GPC5: variants seen among roughly 807,000 people sequenced by gnomAD.
GPC5 encodes glypican 5, also known as glypican-5.
GPC5 carries 47 observed loss-of-function variants against 53.9 expected under a neutral mutation model. The observed-to-expected ratio is 0.87, with a 90% CI of 0.69 to 1.11. The LOEUF (loss-of-function observed/expected upper bound fraction) is 1.11, where lower values mean the gene tolerates loss of function less well. GPC5 is among the 50% of genes most tolerant of loss of function. The probability of loss-of-function intolerance (pLI) is 0.00; values close to 1 mark genes in which losing one functional copy is unlikely to be tolerated. For missense variants in GPC5, 748 were observed against 713.1 expected (o/e 1.05, Z -0.56); for synonymous variants, 286 against 263.3 (o/e 1.09, Z -0.84).
chr13:92,749,607 T>C (rs1045155784), intron 7 of GPC5, among the ~76,000 whole-genome samples: 3 of 152,180 alleles, frequency 2.0e-5, no homozygotes, highest in African/African-American at 7.2e-5. Context: ...TTTTAAAGTA[T>C]ATATGAGTAC....
intron 6 of GPC5, among the ~76,000 whole-genome samples, chr13:91,940,642 C>A (rs1192652057): frequency 6.6e-6 from 1 of 152,102 alleles, no homozygotes; most frequent in East Asian, 1.9e-4. Context: ...TTCTCCACAA[C>A]TTTGCCAGAA....
At chr13:92,202,455 G>C (rs2042302076) in intron 7 of GPC5, among the ~76,000 whole-genome samples, 1 of 152,180 alleles carries the variant, frequency 6.6e-6, no homozygotes, top group Non-Finnish European at 1.5e-5. Flanking sequence ...ACTTACTATA[G>C]ACTACGGTTA....
chr13:92,859,329 T>C (rs1432353746), intron 7 of GPC5, among the ~76,000 whole-genome samples: 1 of 152,190 alleles, frequency 6.6e-6, no homozygotes, highest in African/African-American at 2.4e-5. Flanking sequence ...AAAATTAATC[T>C]AATGTTTTGT....
chr13:92,681,175 T>G (rs1887099921), intron 7 of GPC5, among the ~76,000 whole-genome samples: 1 of 151,950 alleles, frequency 6.6e-6, no homozygotes, highest in African/African-American at 2.4e-5. Context: ...GCGATTTACC[T>G]CCTCTGAATA....
At chr13:92,780,746 T>G (rs957625814) in intron 7 of GPC5, among the ~76,000 whole-genome samples, 1 of 152,026 alleles carries the variant, frequency 6.6e-6, no homozygotes, top group Non-Finnish European at 1.5e-5. Context: ...ATCAATATGA[T>G]AGTAGGCATA....
intron 7 of GPC5, among the ~76,000 whole-genome samples, chr13:92,557,559 G>C (rs1233722755): frequency 6.6e-6 from 1 of 151,922 alleles, no homozygotes; most frequent in Non-Finnish European, 1.5e-5. Context: ...TTCATGAATT[G>C]CAGTCTATCC....
intron 7 of GPC5, among the ~76,000 whole-genome samples, chr13:92,433,751 C>T (rs2139377203): frequency 6.6e-6 from 1 of 152,078 alleles, no homozygotes; most frequent in Non-Finnish European, 1.5e-5. Context: ...GGAGAAAAAG[C>T]CTGTTGCCGT....
intron 6 of GPC5, among the ~76,000 whole-genome samples, chr13:92,018,987 T>C (rs989383220): frequency 4.6e-5 from 7 of 152,172 alleles, no homozygotes; most frequent in African/African-American, 1.2e-4. Flanking sequence ...TTAGATTCTT[T>C]GGTACTTAAT....
intron 7 of GPC5, among the ~76,000 whole-genome samples, chr13:92,406,904 T>C (rs962231484): frequency 6.6e-6 from 1 of 152,200 alleles, no homozygotes; most frequent in Admixed American, 6.5e-5. Context: ...TACTGGACAC[T>C]GAAAACAATT....
chr13:92,355,300 AG>A (rs2043512787), intron 7 of GPC5, among the ~76,000 whole-genome samples: 1 of 151,694 alleles, frequency 6.6e-6, no homozygotes, highest in African/African-American at 2.4e-5. Flanking sequence ...AAAAAAAAAA[AG>A]AGCTCCATAA....
chr13:92,533,202 T>C (rs903006389), intron 7 of GPC5, among the ~76,000 whole-genome samples: 3 of 152,172 alleles, frequency 2.0e-5, no homozygotes, highest in Non-Finnish European at 2.9e-5. Context: ...TTAAATAAAA[T>C]ATGTATGGTG....
At chr13:92,398,208 T>A (rs1441958500) in intron 7 of GPC5, among the ~76,000 whole-genome samples, 1 of 151,696 alleles carries the variant, frequency 6.6e-6, no homozygotes, top group Non-Finnish European at 1.5e-5. Context: ...GGCGGGCGGA[T>A]CACGAGGTCA....
Position 91,684,963 on chromosome 13 carries a change from C to A in GPC5, c.326-8224C>A, listed in dbSNP as rs150809199. Reference sequence around the variant, plus strand: ...TCTTTGCACCTCGTAACCTTGCACTCTACCTTCTCTGAGCCCCCTAACCAC... The same window carrying A: ...TCTTTGCACCTCGTAACCTTGCACTATACCTTCTCTGAGCCCCCTAACCAC... On this transcript the variant is annotated intron_variant, in intron 2 of 7. Coordinates refer to ENST00000377067, the MANE Select transcript of GPC5 (RefSeq NM_004466.6). Among the ~76,000 whole-genome samples the A allele has an allele frequency of 3.4e-3, 523 of 152,304 alleles. 6 individuals carry two copies. Among genetic ancestry groups the A allele is most frequent in the African/African-American group, 0.012 (502 of 41,548 alleles).
intron 7 of GPC5, among the ~76,000 whole-genome samples, chr13:92,820,842 C>T (rs1437967252): frequency 6.6e-6 from 1 of 152,088 alleles, no homozygotes; most frequent in African/African-American, 2.4e-5. Context: ...ATGTTATTAA[C>T]TTGTTTGATT....
chr13:92,081,118 A>T (rs1019510276), intron 6 of GPC5, among the ~76,000 whole-genome samples: 6 of 151,580 alleles, frequency 4.0e-5, no homozygotes, highest in African/African-American at 1.5e-4. Context: ...ATTTTATTTT[A>T]TTTTTTTGAG....
chr13:91,494,750 G>C (rs1343800579), intron 2 of GPC5, among the ~76,000 whole-genome samples: 1 of 152,120 alleles, frequency 6.6e-6, no homozygotes, highest in Non-Finnish European at 1.5e-5. Flanking sequence ...TGACTTCCAG[G>C]ATACTAAAGT....
chr13:91,726,736 C>T (rs756524279), intron 3 of GPC5, among the ~76,000 whole-genome samples: 4 of 152,202 alleles, frequency 2.6e-5, no homozygotes, highest in Non-Finnish European at 5.9e-5. Flanking sequence ...TCCACTCCTT[C>T]CATTTTACTG....
rs140757390 is a variant in GPC5, at chr13:92,665,374, G to A, written c.1562-200908G>A. ...AGGTGCTTACAGATAGGAAAATAGA[G>A]GCTAATCCCACATCCCGGAAGTGTC... On this transcript the variant is annotated intron_variant, in intron 7 of 7. Transcript: ENST00000377067. Among the ~76,000 whole-genome samples the A allele has an allele frequency of 3.3e-5, 5 of 152,210 alleles. No homozygotes were observed. In the East Asian group the frequency reaches 7.8e-4, roughly 24 times the overall value.
At chr13:91,785,906 C>T (rs2037870031) in intron 5 of GPC5, among the ~76,000 whole-genome samples, 1 of 152,174 alleles carries the variant, frequency 6.6e-6, no homozygotes, top group Non-Finnish European at 1.5e-5. Context: ...CCTACTTCCA[C>T]CCTTGCTCCT....
Sources: allele counts gnomAD v4.1 joint callset (sites outside exome capture counted in the v4.1 genomes callset), GRCh38; gene constraint gnomAD v4.1.1; transcripts MANE v1.5; gene names NCBI Gene and HGNC (gene_info 2026-07-23, HGNC 2026-07-21).